CERT1: variants seen among roughly 807,000 people sequenced by gnomAD.
CERT1 encodes the protein ceramide transfer protein.
CERT1 carries 31 observed loss-of-function variants against 87.9 expected under a neutral mutation model. The ratio of observed to expected loss-of-function variants is 0.35; its 90% CI spans 0.27 to 0.48. CERT1 has a LOEUF of 0.48. Ranked by LOEUF, CERT1 falls within the 20% of genes least tolerant of loss-of-function variation. CERT1 has a pLI of 0.99. For missense variants in CERT1, 487 were observed against 758.0 expected (o/e 0.64, Z 4.20); for synonymous variants, 289 against 250.9 (o/e 1.15, Z -1.44).
chr5:75,387,919 T>G (rs1240555138), intron 12 of CERT1, among the ~76,000 whole-genome samples: 2 of 152,164 alleles, frequency 1.3e-5, no homozygotes, highest in Non-Finnish European at 2.9e-5. Flanking sequence ...TATTCCTCAT[T>G]CCAGGTAGAG....
intron 2 of CERT1, among the ~76,000 whole-genome samples, chr5:75,484,457 T>A: frequency 1.4e-5 from 2 of 147,192 alleles, no homozygotes; most frequent in African/African-American, 2.5e-5. Flanking sequence ...AGTGACTGAA[T>A]GGATTAAAAA....
In CERT1 at chr5:75,417,015, G is replaced by A. The variant is rs769601628; in HGVS notation, c.698C>T (p.Pro233Leu). The change falls in exon 7 of 17, where the codon CCA becomes CTA. Residue 233 changes from proline to leucine, a missense_variant. By Grantham distance (98) the Pro-to-Leu change is moderately conservative. This residue lies in a region of CERT1 where 173 missense variants were observed against 302.2 expected (regional missense o/e 0.57). Transcript: ENST00000643780. Reference protein sequence around the residue: ...NKEKLFPHVTPKGINGIDFKG... With the variant: ...NKEKLFPHVTLKGINGIDFKG... ...AAAGTCTATACCATTAATTCCTTTT[G>A]GTGTCACATGTGGAAATACTGAAAA... The A allele has an allele frequency of 1.1e-5, 17 of 1,602,990 alleles. No individual in the cohort carries two copies. The South Asian group carries it at 1.5e-4, about 14-fold the overall frequency.
At chr5:75,511,877 G>T (rs1235392577), upstream of CERT1, 3 of 1,505,828 alleles carry the variant, frequency 2.0e-6, no homozygotes, top group Non-Finnish European at 1.8e-6. Context: ...CGCTCGCGCA[G>T]CCTCCTGGGA....
intron 5 of CERT1, among the ~76,000 whole-genome samples, chr5:75,421,423 A>G (rs1763374599): frequency 6.6e-6 from 1 of 152,186 alleles, no homozygotes; most frequent in South Asian, 2.1e-4. Context: ...CTTACAAATC[A>G]TAAACTATTA....
At chr5:75,485,095 C>T (rs1005056615) in intron 2 of CERT1, among the ~76,000 whole-genome samples, 1 of 151,842 alleles carries the variant, frequency 6.6e-6, no homozygotes, top group Non-Finnish European at 1.5e-5. Context: ...TCCAGAATGA[C>T]CAGTTTGGGC....
intron 3 of CERT1, among the ~76,000 whole-genome samples, chr5:75,434,632 A>AGGTT (rs1764013540): frequency 6.7e-6 from 1 of 149,936 alleles, no homozygotes; most frequent in Non-Finnish European, 1.5e-5. Flanking sequence ...GCTTTTTCTG[A>AGGTT]TTGGTAGGTT....
chr5:75,443,562 T>C (rs1580778643), intron 3 of CERT1, among the ~76,000 whole-genome samples: 1 of 152,326 alleles, frequency 6.6e-6, no homozygotes, highest in East Asian at 1.9e-4. Flanking sequence ...TATTTCAAAA[T>C]GGAATAAGAT....
In CERT1 at chr5:75,446,578, T is replaced by G. The variant is rs1463039643; in HGVS notation, c.348+12487A>C. ...GTTTTCTTCTATGCCTTGTGTTTTT[T>G]TGTTGAAAACTGGAACTTTGAATTT... is the stretch of plus-strand genomic sequence containing the variant. On this transcript the variant is annotated intron_variant, in intron 3 of 16. Transcript: ENST00000643780. Among the ~76,000 whole-genome samples the G allele has an allele frequency of 2.0e-5, 3 of 152,238 alleles. No individual in the cohort carries two copies. In the East Asian group the frequency reaches 5.8e-4, roughly 29 times the overall value.
intron 7 of CERT1, among the ~76,000 whole-genome samples, chr5:75,411,900 T>G (rs1356399857): frequency 6.6e-6 from 1 of 152,210 alleles, no homozygotes; most frequent in African/African-American, 2.4e-5. Flanking sequence ...AAAACCTTCT[T>G]ATACTTTCTC....
intron 16 of CERT1, among the ~76,000 whole-genome samples, chr5:75,380,840 T>C (rs1761547100): frequency 1.3e-5 from 2 of 151,754 alleles, no homozygotes; most frequent in Admixed American, 6.6e-5. Context: ...GTTTTAAAAT[T>C]TTCCTATCCA....
At chr5:75,473,611 G>C (rs1325444931) in intron 2 of CERT1, among the ~76,000 whole-genome samples, 1 of 152,104 alleles carries the variant, frequency 6.6e-6, no homozygotes, top group African/African-American at 2.4e-5. Flanking sequence ...GTTGGTTAAA[G>C]GACACATACT....
intron 13 of CERT1, among the ~76,000 whole-genome samples, chr5:75,385,355 C>T (rs1761742277): frequency 6.6e-6 from 1 of 152,122 alleles, no homozygotes; most frequent in African/African-American, 2.4e-5. Flanking sequence ...CGCCTGTAAT[C>T]CCAGTTACTT....
intron 2 of CERT1, among the ~76,000 whole-genome samples, chr5:75,503,955 T>C (rs1228397694): frequency 1.9e-4 from 2 of 10,664 alleles, no homozygotes; most frequent in African/African-American, 4.2e-4. Context: ...AACATTATTA[T>C]AGTCCATAAT....
chr5:75,480,950 A>G (rs1766212637), intron 2 of CERT1, among the ~76,000 whole-genome samples: 1 of 152,124 alleles, frequency 6.6e-6, no homozygotes, highest in African/African-American at 2.4e-5. Flanking sequence ...GCCTGATTCT[A>G]TTTTCCTGCT....
chr5:75,457,564 A>T (rs569740445), intron 3 of CERT1, among the ~76,000 whole-genome samples: 136 of 152,230 alleles, frequency 8.9e-4, no homozygotes, highest in Middle Eastern at 3.4e-3. Flanking sequence ...AAAATGTTTT[A>T]AAAACTTAAC....
chr5:75,493,583 G>A (rs148372143), intron 2 of CERT1, among the ~76,000 whole-genome samples: 55 of 152,174 alleles, frequency 3.6e-4, no homozygotes, highest in African/African-American at 1.3e-3. Context: ...TTTTCTCTCT[G>A]GAAGCATCCA....
At chr5:75,403,855 TC>T (rs1338726346) in intron 8 of CERT1, among the ~76,000 whole-genome samples, 2 of 152,182 alleles carry the variant, frequency 1.3e-5, no homozygotes, top group Non-Finnish European at 2.9e-5. Context: ...AATAATTCCC[TC>T]AAGTGATTCC....
chr5:75,470,949 A>G (rs1465859104), intron 2 of CERT1, among the ~76,000 whole-genome samples: 2 of 152,128 alleles, frequency 1.3e-5, no homozygotes, highest in African/African-American at 2.4e-5. Flanking sequence ...ACAATGAACT[A>G]TCTGGGGAAA....
rs888277553 is a variant in CERT1, at chr5:75,511,595, C to T, written c.-388G>A. On this transcript the variant is annotated 5_prime_UTR_variant, in exon 1 of 17. Transcript: ENST00000643780. ...AGTCCCGCGTCCACTCACACCTCCG[C>T]TACCGCCGCCATCTTCCTGCCTGGC... 1.4e-6 allele frequency: 2 copies of T among 1,466,510 alleles called. No homozygotes were observed. Among genetic ancestry groups the T allele is most frequent in the Admixed American group, 2.4e-5 (1 of 41,286 alleles). The allele number at this position is 1,466,510 out of a possible 1,614,324, so 90.8% of individuals were successfully genotyped here.
Sources: gnomAD v4.1 joint callset for allele counts (sites outside exome capture counted in the v4.1 genomes callset) on GRCh38, gnomAD v4.1.1 for gene constraint, gnomAD v4.1.1 regional missense constraint, MANE v1.5 for transcripts, NCBI Gene and HGNC (gene_info 2026-07-23, HGNC 2026-07-21) for gene names.